The following POR variants were observed in gnomAD, a reference collection of about 807,000 sequenced individuals.
POR encodes NADPH--cytochrome P450 reductase.
In POR, 56 loss-of-function variants were observed where a neutral mutation model predicts 84.0. That is an observed-to-expected ratio of 0.67 (90% CI 0.54 to 0.83). The LOEUF is 0.83. POR is among the 40% of genes least tolerant of loss of function. The pLI, the probability that POR is intolerant of heterozygous loss-of-function variation, is 0.00. For synonymous variants in POR, 414 were observed against 400.5 expected (o/e 1.03, Z -0.40); for missense variants, 938 against 944.3 (o/e 0.99, Z 0.09).
intron 2 of POR, among the ~76,000 whole-genome samples, chr7:75,954,971 G>A (rs1214088935): frequency 2.0e-5 from 3 of 152,076 alleles, no homozygotes; most frequent in South Asian, 2.1e-4. Flanking sequence ...GCCTCCCAAA[G>A]TGCTGGGATT....
intron 2 of POR, among the ~76,000 whole-genome samples, chr7:75,964,449 A>G (rs1440591958): frequency 1.3e-5 from 2 of 152,048 alleles, no homozygotes; most frequent in African/African-American, 2.4e-5. Context: ...CTGGGATTAC[A>G]GGCGCCTGCC....
At chr7:75,980,677 C>A in intron 5 of POR, 189 bp downstream of exon 5, 1 of 1,535,272 alleles carries the variant, frequency 6.5e-7, no homozygotes, top group East Asian at 2.5e-5. Flanking sequence ...CTCCCTGTCC[C>A]CAGCCCCAGT....
intron 2 of POR, among the ~76,000 whole-genome samples, chr7:75,960,050 AG>A (rs1787868371): frequency 6.6e-6 from 1 of 152,068 alleles, no homozygotes; most frequent in African/African-American, 2.4e-5. Flanking sequence ...ACACTTCAGG[AG>A]GCCGAGGCAG....
At chr7:75,953,798 T>C (rs559948414) in intron 1 of POR, among the ~76,000 whole-genome samples, 191 bp from the exon 2 acceptor site, 76 of 152,310 alleles carry the variant, frequency 5.0e-4, no homozygotes, top group Admixed American at 2.5e-3. Flanking sequence ...CTGTCTGTTA[T>C]GTCAGCCCCA....
Position 75,985,098 on chromosome 7 carries a change from TC to T in POR, c.1291del (p.Leu431TrpfsTer114), listed in dbSNP as rs1160249924. The stretch of plus-strand genomic sequence containing the variant: ...TGGGTGGTGGAGGCCCGGAGGCACA[TC>T]CTGGCCATCCTGCAGGACTGCCCGT... On this transcript the variant is annotated frameshift_variant, in exon 12 of 16. Transcript: ENST00000461988. LOFTEE classifies it high-confidence loss of function. 1 of 1,599,768 alleles carries T rather than the reference TC, an allele frequency of 6.3e-7. No homozygotes were observed. The highest frequency in any genetic ancestry group is 8.5e-7 in the Non-Finnish European group (1 of 1,179,456).
intron 2 of POR, among the ~76,000 whole-genome samples, chr7:75,965,112 C>T (rs1379075239): frequency 2.0e-5 from 3 of 152,086 alleles, no homozygotes; most frequent in Admixed American, 1.3e-4. Context: ...GTCTGGAGAG[C>T]GGTGGCCCCA....
chr7:75,937,941 G>A (rs1340447263), intron 1 of POR, among the ~76,000 whole-genome samples: 1 of 152,196 alleles, frequency 6.6e-6, no homozygotes, highest in Non-Finnish European at 1.5e-5. Context: ...GGGAGCTGTG[G>A]TCTCGTCCCC....
intron 2 of POR, among the ~76,000 whole-genome samples, chr7:75,964,226 C>T (rs1788069823): frequency 6.6e-6 from 1 of 151,954 alleles, no homozygotes; most frequent in East Asian, 1.9e-4. Flanking sequence ...TCTTGAACTC[C>T]TGACCTCAAG....
chr7:75,952,701 C>T (rs1340466594), intron 1 of POR, among the ~76,000 whole-genome samples: 9 of 148,316 alleles, frequency 6.1e-5, no homozygotes, highest in African/African-American at 1.8e-4. Context: ...GGGGCAGAGG[C>T]GCTCCCCACA....
rs77871436 is a variant in POR, at chr7:75,948,425, A to G, written c.-4-5564A>G. ...GAAGTCAGTCACAGCCTCAAGGAGCAGCTCCTGTTCGTTTCCTTCGTTTTG... is the reference window on the plus strand; with the variant it reads ...GAAGTCAGTCACAGCCTCAAGGAGCGGCTCCTGTTCGTTTCCTTCGTTTTG... On this transcript the variant is annotated intron_variant, in intron 1 of 15. Transcript: ENST00000461988. Among the ~76,000 whole-genome samples, 211 of 152,330 alleles carry G rather than the reference A, an allele frequency of 1.4e-3. 2 individuals are homozygous for G. The East Asian group carries it at 0.038, about 27-fold the overall frequency.
At chr7:75,968,432 C>T (rs1286493987) in intron 2 of POR, among the ~76,000 whole-genome samples, 2 of 152,250 alleles carry the variant, frequency 1.3e-5, no homozygotes, top group Non-Finnish European at 2.9e-5. Context: ...CTCATGCACC[C>T]TCTTCTCTGC....
At chr7:75,936,748 G>A (rs562869131) in intron 1 of POR, among the ~76,000 whole-genome samples, 2 of 151,926 alleles carry the variant, frequency 1.3e-5, no homozygotes, top group African/African-American at 2.4e-5. Context: ...GGCAGAAGCC[G>A]ACTTCAGAAC....
chr7:75,955,276 G>A (rs782713212), intron 2 of POR, among the ~76,000 whole-genome samples: 5 of 152,134 alleles, frequency 3.3e-5, no homozygotes, highest in African/African-American at 7.2e-5. Context: ...TTAAGAATAA[G>A]TGAAAAAGAT....
At chr7:75,923,170 C>A in intron 1 of POR, 2 of 1,116,120 alleles carry the variant, frequency 1.8e-6, no homozygotes, top group Non-Finnish European at 2.7e-6. Context: ...CATTTTGAAA[C>A]GTAGACAAGC....
At chr7:75,975,365 C>T (rs886428984) in intron 3 of POR, among the ~76,000 whole-genome samples, 3 of 152,194 alleles carry the variant, frequency 2.0e-5, no homozygotes, top group East Asian at 1.9e-4. Flanking sequence ...CTGGGCTGGG[C>T]GCAGTGGCTC....
In POR at chr7:75,985,459, G is replaced by A. The variant is rs2302429; in HGVS notation, c.1399-120G>A. 0.19 allele frequency: 242,884 copies of A among 1,290,564 alleles called. 24,631 individuals carry two copies. Among genetic ancestry groups the A allele is most frequent in the East Asian group, 0.3 (11,465 of 38,692 alleles). The allele number at this position is 1,290,564 out of a possible 1,614,324, so 79.9% of individuals were successfully genotyped here. On this transcript the variant is annotated intron_variant, in intron 12 of 15. Transcript: ENST00000461988. ...TGGGGAGGGGGCCTCTGAGGTTTGG[G>A]TGCCAGGTGGGCTGGAAGAGGCCCT...
chr7:75,954,623 T>A (rs1554553491), intron 2 of POR, among the ~76,000 whole-genome samples: 1 of 151,796 alleles, frequency 6.6e-6, no homozygotes, highest in Non-Finnish European at 1.5e-5. Context: ...CACTGTAATC[T>A]CCACCTCCCA....
chr7:75,934,470 G>C (rs1807573516), intron 1 of POR, among the ~76,000 whole-genome samples: 1 of 152,156 alleles, frequency 6.6e-6, no homozygotes, highest in Non-Finnish European at 1.5e-5. Flanking sequence ...CCATGTGACA[G>C]AAAGAAAAAA....
Position 75,983,132 on chromosome 7 carries a change from G to A in POR, c.831-388G>A, listed in dbSNP as rs186831487. 3.3e-4 allele frequency among the ~76,000 whole-genome samples: 51 copies of A among 152,286 alleles called. 1 individual carries two copies. The highest frequency in any genetic ancestry group is 1.1e-3 in the African/African-American group (47 of 41,562). On this transcript the variant is annotated intron_variant, in intron 8 of 15. Coordinates refer to ENST00000461988, the MANE Select transcript of POR (RefSeq NM_000941.3). ...GAGGTGGGTGAATCACCTGAGGTCA[G>A]GAGTTCAAGACCAGCCTGGCCAACA...
Sources: allele counts gnomAD v4.1 joint callset (sites outside exome capture counted in the v4.1 genomes callset), GRCh38; gene constraint gnomAD v4.1.1; transcripts MANE v1.5; gene names NCBI Gene and HGNC (gene_info 2026-07-23, HGNC 2026-07-21).